FANCC: variants seen among roughly 807,000 people sequenced by gnomAD.
FANCC encodes Fanconi anemia group C protein.
Under a neutral mutation model 71.3 loss-of-function variants are expected in FANCC, and 55 were observed. The ratio of observed to expected loss-of-function variants is 0.77; its 90% CI spans 0.62 to 0.97. The LOEUF (loss-of-function observed/expected upper bound fraction) is 0.97, where lower values mean the gene tolerates loss of function less well. Among genes scored for constraint, FANCC ranks in the 50% least tolerant of loss-of-function variants. The pLI is 0.00. For missense variants in FANCC, 678 were observed against 670.9 expected (o/e 1.01, Z -0.12); for synonymous variants, 275 against 244.9 (o/e 1.12, Z -1.15).
intron 12 of FANCC, 167 bp downstream of exon 12, chr9:95,114,462 G>A (rs904347431): frequency 1.1e-5 from 8 of 726,294 alleles, no homozygotes; most frequent in South Asian, 5.9e-5. Context: ...CAAGCCATCC[G>A]TGCAGCCATG....
intron 10 of FANCC, among the ~76,000 whole-genome samples, chr9:95,121,539 C>T (rs2072878018): frequency 6.6e-6 from 1 of 152,188 alleles, no homozygotes; most frequent in African/African-American, 2.4e-5. Context: ...CCCAGAGTGT[C>T]CAGAGCAACA....
At chr9:95,310,356 C>T (rs1163062420) in intron 1 of FANCC, among the ~76,000 whole-genome samples, 1 of 151,026 alleles carries the variant, frequency 6.6e-6, no homozygotes, top group Non-Finnish European at 1.5e-5. Flanking sequence ...GGGCAAGACC[C>T]TGTTTCAAAA....
At chr9:95,217,004 C>T (rs1463946688) in intron 4 of FANCC, among the ~76,000 whole-genome samples, 3 of 152,150 alleles carry the variant, frequency 2.0e-5, no homozygotes, top group Non-Finnish European at 4.4e-5. Flanking sequence ...AAATATTCCA[C>T]CCAACATTAT....
chr9:95,204,638 C>T (rs1397425042), intron 4 of FANCC, among the ~76,000 whole-genome samples: 2 of 152,170 alleles, frequency 1.3e-5, no homozygotes, highest in Non-Finnish European at 2.9e-5. Flanking sequence ...CTGTCAAAAT[C>T]CTCGCTTTTG....
intron 1 of FANCC, among the ~76,000 whole-genome samples, chr9:95,278,949 G>A (rs1256197491): frequency 6.6e-6 from 1 of 152,046 alleles, no homozygotes; most frequent in Non-Finnish European, 1.5e-5. Flanking sequence ...ACTTTGAGAG[G>A]CCAAGACAGA....
chr9:95,111,280 A>G, intron 13 of FANCC, 183 bp downstream of exon 13: 2 of 1,560,856 alleles, frequency 1.3e-6, no homozygotes, highest in South Asian at 1.2e-5. Flanking sequence ...CGGTGGGGAC[A>G]GGAGAACGCC....
At chr9:95,224,275 G>GC (rs1829469804) in intron 4 of FANCC, among the ~76,000 whole-genome samples, 1 of 152,252 alleles carries the variant, frequency 6.6e-6, no homozygotes, top group Admixed American at 6.5e-5. Flanking sequence ...GAGTGAGCCT[G>GC]CCTTTAAGTG....
intron 8 of FANCC, 101 bp downstream of exon 8, chr9:95,135,245 G>T: frequency 2.6e-6 from 3 of 1,149,268 alleles, no homozygotes; most frequent in Non-Finnish European, 3.9e-6. Context: ...GGTTCCAATT[G>T]CTCTTTTGTT....
intron 4 of FANCC, among the ~76,000 whole-genome samples, chr9:95,203,946 C>T (rs1024403607): frequency 6.6e-6 from 1 of 152,166 alleles, no homozygotes; most frequent in Non-Finnish European, 1.5e-5. Flanking sequence ...CTGAAATAGT[C>T]TTGAAGACCC....
At chr9:95,293,903 A>G (rs1252403106) in intron 1 of FANCC, 8 of 1,597,614 alleles carry the variant, frequency 5.0e-6, no homozygotes, top group East Asian at 2.2e-5. Context: ...TTGAGTGTTC[A>G]TTCATCATAT....
chr9:95,294,052 A>T, intron 1 of FANCC: 2 of 1,607,742 alleles, frequency 1.2e-6, no homozygotes, highest in Non-Finnish European at 1.7e-6. Context: ...CAGTGCACAG[A>T]ACAGTATGCT....
At chr9:95,289,951 G>A (rs550740375) in intron 1 of FANCC, among the ~76,000 whole-genome samples, 40 of 152,296 alleles carry the variant, frequency 2.6e-4, no homozygotes, top group African/African-American at 9.4e-4. Context: ...GATCCATTGT[G>A]CCCAGCCACA....
intron 6 of FANCC, among the ~76,000 whole-genome samples, chr9:95,169,603 C>A (rs1825534473): frequency 6.6e-6 from 1 of 152,178 alleles, no homozygotes; most frequent in Admixed American, 6.5e-5. Context: ...ACCAATCTCA[C>A]CAAGCTGCCA....
intron 1 of FANCC, among the ~76,000 whole-genome samples, chr9:95,252,290 A>AAG (rs1554859162): frequency 1.3e-5 from 2 of 149,302 alleles, no homozygotes; most frequent in African/African-American, 2.5e-5. Flanking sequence ...AAAAAAAAAA[A>AAG]AAAAGAAAAA....
chr9:95,189,184 C>G (rs1337597923), intron 4 of FANCC, among the ~76,000 whole-genome samples: 2 of 151,866 alleles, frequency 1.3e-5, no homozygotes, highest in African/African-American at 2.4e-5. Context: ...AAAATCCTGC[C>G]TTCAATGTTT....
At chr9:95,120,379 A>G (rs1029291047) in intron 10 of FANCC, among the ~76,000 whole-genome samples, 5 of 151,922 alleles carry the variant, frequency 3.3e-5, no homozygotes, top group Admixed American at 1.3e-4. Flanking sequence ...TCTTTTTGCC[A>G]ATACCTCACT....
intron 4 of FANCC, among the ~76,000 whole-genome samples, chr9:95,227,693 T>G (rs1022920589): frequency 1.3e-5 from 2 of 152,210 alleles, no homozygotes; most frequent in African/African-American, 2.4e-5. Context: ...CCCTTTCAAT[T>G]AAAAGTTTTG....
chr9:95,294,464 A>G, intron 1 of FANCC: 1 of 1,600,498 alleles, frequency 6.2e-7, no homozygotes, highest in Non-Finnish European at 8.6e-7. Flanking sequence ...ACAGACTTAA[A>G]CTTTTTCTTA....
At chr9:95,135,806 GA>G (rs1827589399) in intron 7 of FANCC, among the ~76,000 whole-genome samples, 1 of 152,212 alleles carries the variant, frequency 6.6e-6, no homozygotes, top group South Asian at 2.1e-4. Context: ...AAACGGGATG[GA>G]AAAGGCCTCG....
Sources: gnomAD v4.1 joint callset for allele counts (sites outside exome capture counted in the v4.1 genomes callset) on GRCh38, gnomAD v4.1.1 for gene constraint, MANE v1.5 for transcripts, NCBI Gene and HGNC (gene_info 2026-07-23, HGNC 2026-07-21) for gene names.